DNAH14: variants seen among roughly 807,000 people sequenced by gnomAD.
DNAH14 encodes the protein axonemal beta dynein heavy chain 14.
DNAH14 carries 478 observed loss-of-function variants against 520.9 expected under a neutral mutation model. That is an observed-to-expected ratio of 0.92 (90% CI 0.85 to 0.99). The LOEUF is 0.99. Among genes scored for constraint, DNAH14 ranks in the 50% least tolerant of loss-of-function variants. The pLI is 0.00. For missense variants in DNAH14, 4,831 were observed against 5,234.5 expected, an observed-to-expected ratio of 0.92 and a Z score of 2.38; for synonymous variants, 1,581 against 1,757.2, an observed-to-expected ratio of 0.90 and a Z score of 2.51.
At chr1:224,933,592 G>A (rs2058834396) in intron 1 of DNAH14, among the ~76,000 whole-genome samples, 1 of 151,894 alleles carries the variant, frequency 6.6e-6, no homozygotes. Flanking sequence ...GTTACTTTGA[G>A]GTATGTTCCT....
rs986448721 is a variant in DNAH14 at position 225,374,908 on chromosome 1, T to G, written c.12516+23T>G. 4 of 1,505,718 alleles carry G rather than the reference T, an allele frequency of 2.7e-6. No individual in the cohort carries two copies. In the African/African-American group the frequency reaches 4.2e-5, roughly 16 times the overall value. 93.3% of individuals were successfully genotyped at this position (1,505,718 alleles called of 1,614,324 possible). On this transcript the variant is annotated intron_variant, in intron 78 of 85. Coordinates refer to ENST00000682510, the MANE Select transcript of DNAH14 (RefSeq NM_001367479.1). The stretch of plus-strand genomic sequence containing the variant: ...GGGGTAGGAAAAGAATCAATCTTCT[T>G]GCATTTCTCGATAATTTTAAAGTAA...
chr1:224,967,875 T>C, intron 6 of DNAH14: 2 of 1,286,834 alleles, frequency 1.6e-6, no homozygotes, highest in Non-Finnish European at 9.8e-7. Context: ...AAGCATTTGC[T>C]AGCTTAATGG....
At chr1:225,139,481 G>T (rs981872090) in intron 27 of DNAH14, among the ~76,000 whole-genome samples, 10 of 152,180 alleles carry the variant, frequency 6.6e-5, no homozygotes, top group Non-Finnish European at 1.2e-4. Flanking sequence ...CCTTTCTCTT[G>T]CACTTCTACG....
chr1:225,277,550 A>G (rs1431209342), intron 54 of DNAH14, 48 bp downstream of exon 54: 1 of 462,018 alleles, frequency 2.2e-6, no homozygotes, highest in Non-Finnish European at 4.5e-6. Flanking sequence ...AAAATAAAAT[A>G]AATCCCAATA....
chr1:225,392,360 C>T lies in DNAH14; in HGVS notation c.13400C>T (p.Thr4467Ile). 3.2e-6 allele frequency: 5 copies of T among 1,552,296 alleles called. No homozygotes were observed. The highest frequency in any genetic ancestry group is 4.4e-6 in the Non-Finnish European group (5 of 1,147,134). ...RGIAVDALTF[T>I]HHVISNTTDK... Reference sequence around the variant, plus strand: ...ATCGCTGTGGATGCCCTCACCTTCACCCACCATGTGATTTCCAACACCACT... The same window carrying T: ...ATCGCTGTGGATGCCCTCACCTTCATCCACCATGTGATTTCCAACACCACT... Residue 4467 changes from threonine (T) to isoleucine (I), a missense_variant, in exon 84 of 86, where the codon ACC becomes ATC. Physicochemically the swap from Thr to Ile is moderately conservative, Grantham distance 89 (BLOSUM62 -1). Coordinates refer to ENST00000682510, the MANE Select transcript of DNAH14 (RefSeq NM_001367479.1).
Position 225,316,997 on chromosome 1 carries a change from A to C in DNAH14, c.9241-1586A>C, listed in dbSNP as rs149915797. Among the ~76,000 whole-genome samples, 68 of 152,316 alleles carry C rather than the reference A, an allele frequency of 4.5e-4. 1 individual carries two copies. Among genetic ancestry groups the C allele is most frequent in the Admixed American group, 2.8e-3 (43 of 15,302 alleles). ...TCAACTTTCTAAGTTATTATTGACAATGACATGAATATTTTATAGGACTGC... is the reference window on the plus strand; with the variant it reads ...TCAACTTTCTAAGTTATTATTGACACTGACATGAATATTTTATAGGACTGC... On this transcript the variant is annotated intron_variant, in intron 60 of 85. Coordinates refer to ENST00000682510, the MANE Select transcript of DNAH14 (RefSeq NM_001367479.1).
At chr1:225,263,065 T>A (rs2092991706) in intron 46 of DNAH14, among the ~76,000 whole-genome samples, 1 of 151,788 alleles carries the variant, frequency 6.6e-6, no homozygotes. Flanking sequence ...ATGTTTTAAG[T>A]TCCCAAGCCT....
At chr1:224,998,301 T>G (rs1055436264) in intron 8 of DNAH14, among the ~76,000 whole-genome samples, 1 of 152,144 alleles carries the variant, frequency 6.6e-6, no homozygotes, top group African/African-American at 2.4e-5. Flanking sequence ...CTATCATAAT[T>G]TCTTTCCTCT....
chr1:225,335,330 CGTGTGT>C (rs1574853931), intron 66 of DNAH14, among the ~76,000 whole-genome samples: 3 of 88,606 alleles, frequency 3.4e-5, no homozygotes, highest in East Asian at 4.1e-4. Context: ...CACATATACA[CGTGTGT>C]ACATGTGTGT....
intron 54 of DNAH14, among the ~76,000 whole-genome samples, chr1:225,289,143 C>T (rs2093810622): frequency 6.6e-6 from 1 of 152,102 alleles, no homozygotes; most frequent in South Asian, 2.1e-4. Context: ...ACTACTGATA[C>T]ACATACAACA....
intron 58 of DNAH14, among the ~76,000 whole-genome samples, chr1:225,306,660 T>C (rs1225494473): frequency 6.6e-6 from 1 of 152,140 alleles, no homozygotes; most frequent in Admixed American, 6.5e-5. Flanking sequence ...CCTCATGTCT[T>C]ACCCACAACA....
intron 55 of DNAH14, among the ~76,000 whole-genome samples, chr1:225,297,077 T>G (rs922083395): frequency 6.6e-6 from 1 of 152,110 alleles, no homozygotes. Context: ...GCTTTCTACA[T>G]CTTTTCCCTT....
chr1:225,073,662 T>G (rs889123172), intron 17 of DNAH14, among the ~76,000 whole-genome samples: 1 of 151,782 alleles, frequency 6.6e-6, no homozygotes, highest in Non-Finnish European at 1.5e-5. Context: ...TTTTCAGTTT[T>G]TTGTTGTTGT....
chr1:225,182,270 G>A (rs1356487032), intron 36 of DNAH14, among the ~76,000 whole-genome samples: 2 of 151,966 alleles, frequency 1.3e-5, no homozygotes, highest in Non-Finnish European at 2.9e-5. Flanking sequence ...TATGATAGAA[G>A]TAGCAAACCA....
chr1:225,083,759 A>G (rs1322691202), intron 20 of DNAH14, among the ~76,000 whole-genome samples: 1 of 152,184 alleles, frequency 6.6e-6, no homozygotes, highest in Non-Finnish European at 1.5e-5. Context: ...ACTGATATAC[A>G]TGCCCAAGAG....
At chr1:225,252,498 T>C in intron 44 of DNAH14, 81 bp downstream of exon 44, 1 of 767,684 alleles carries the variant, frequency 1.3e-6, no homozygotes, top group Non-Finnish European at 2.0e-6. Context: ...ATATCTACTC[T>C]ATTTATAAAA....
chr1:224,998,047 T>G (rs150305840), intron 8 of DNAH14, among the ~76,000 whole-genome samples: 1,786 of 152,304 alleles, frequency 0.012, 16 homozygotes, highest in Non-Finnish European at 0.02. Context: ...AATTGGTACG[T>G]TTCATCTAAG....
At chr1:224,959,382 C>G (rs963924803) in intron 3 of DNAH14, among the ~76,000 whole-genome samples, 2 of 152,102 alleles carry the variant, frequency 1.3e-5, no homozygotes, top group Admixed American at 6.6e-5. Flanking sequence ...GAAATTATCT[C>G]TCTTCTGAAT....
rs567730697 is a variant in DNAH14, at chr1:225,324,035, C to T, written c.9496-187C>T. ...TTCACCATGTTGGCTAGGCTGGTCT[C>T]GAACTCCTGACCTCTGGTGACCCAC... is the stretch of plus-strand genomic sequence containing the variant. On this transcript the variant is annotated intron_variant, in intron 62 of 85. Transcript: ENST00000682510. Among the ~76,000 whole-genome samples, 210 of 152,092 alleles carry T rather than the reference C, an allele frequency of 1.4e-3. 2 individuals carry two copies. The highest frequency in any genetic ancestry group is 4.3e-3 in the African/African-American group (178 of 41,472).
Sources: allele counts gnomAD v4.1 joint callset (sites outside exome capture counted in the v4.1 genomes callset), GRCh38; gene constraint gnomAD v4.1.1; transcripts MANE v1.5; gene names NCBI Gene and HGNC (gene_info 2026-07-23, HGNC 2026-07-21).